Variants in POLH observed in about 807,000 individuals in gnomAD.
POLH encodes the protein DNA polymerase eta transcript.
A neutral mutation model predicts 73.6 loss-of-function variants in POLH; 53 were observed. The ratio of observed to expected loss-of-function variants is 0.72; its 90% CI spans 0.58 to 0.91. POLH has a LOEUF of 0.91. Ranked by LOEUF, POLH falls within the 40% of genes least tolerant of loss-of-function variation. The pLI, the probability that POLH is intolerant of heterozygous loss-of-function variation, is 0.00. For missense variants in POLH, 768 were observed against 865.4 expected, an observed-to-expected ratio of 0.89 and a Z score of 1.41; for synonymous variants, 292 against 308.5, an observed-to-expected ratio of 0.95 and a Z score of 0.56.
At chr6:43,611,002 G>A (rs1279112098) in intron 10 of POLH, among the ~76,000 whole-genome samples, 2 of 152,138 alleles carry the variant, frequency 1.3e-5, no homozygotes, top group African/African-American at 4.8e-5. Flanking sequence ...CAAGGTGGGT[G>A]AATCACCTGA....
chr6:43,598,989 T>TC, intron 5 of POLH, among the ~76,000 whole-genome samples: 1 of 146,320 alleles, frequency 6.8e-6, no homozygotes, highest in Non-Finnish European at 1.5e-5. Context: ...TGAATTTTTT[T>TC]TTTTTTTTTT....
intron 4 of POLH, among the ~76,000 whole-genome samples, chr6:43,588,978 C>CG (rs1226219728): frequency 1.3e-5 from 2 of 152,038 alleles, no homozygotes; most frequent in East Asian, 3.9e-4. Context: ...GCTGGGATTA[C>CG]GGGCGCCCGC....
rs9333520 is a variant in POLH at position 43,587,004 on chromosome 6, C to T, written c.273-268C>T. Among the ~76,000 whole-genome samples, 76 of 152,162 alleles carry T rather than the reference C, an allele frequency of 5.0e-4. No individual in the cohort carries two copies. The East Asian group carries it at 0.012, about 24-fold the overall frequency. On this transcript the variant is annotated intron_variant, in intron 3 of 10. Transcript: ENST00000372236. The stretch of plus-strand genomic sequence containing the variant: ...TTTAGAGAGTTCCTTGTCATATAGA[C>T]GTGTTCATAGTCTGAATGCTTTCTG...
At chr6:43,595,424 C>T (rs866694952) in intron 4 of POLH, among the ~76,000 whole-genome samples, 1 of 151,870 alleles carries the variant, frequency 6.6e-6, no homozygotes, top group South Asian at 2.1e-4. Flanking sequence ...CGTGAACCAC[C>T]GCACATGGCC....
chr6:43,590,559 GTC>G (rs1765347865), intron 4 of POLH, among the ~76,000 whole-genome samples: 1 of 151,550 alleles, frequency 6.6e-6, no homozygotes, highest in South Asian at 2.1e-4. Flanking sequence ...CCAGAATGAG[GTC>G]TTTTTTTTAA....
intron 9 of POLH, among the ~76,000 whole-genome samples, chr6:43,608,920 C>CT (rs1281947567): frequency 6.6e-6 from 1 of 152,178 alleles, no homozygotes; most frequent in Non-Finnish European, 1.5e-5. Context: ...GACCCCATCT[C>CT]TTATCTTCCC....
chr6:43,597,329 G>C (rs940727155), intron 4 of POLH, among the ~76,000 whole-genome samples: 28 of 152,138 alleles, frequency 1.8e-4, no homozygotes, highest in African/African-American at 6.5e-4. Context: ...TGGACAGGCT[G>C]GTCTTGAACT....
chr6:43,577,604 GTA>G (rs1425548213), intron 1 of POLH, among the ~76,000 whole-genome samples: 1 of 151,476 alleles, frequency 6.6e-6, no homozygotes, highest in Admixed American at 6.6e-5. Flanking sequence ...CTTTGCAGTT[GTA>G]AGACGTTTTT....
Position 43,598,635 on chromosome 6 carries a change from A to AAAAAAAAAAAAAGAAAAAG in POLH, c.660+775_660+793dup, listed in dbSNP as rs1480758044. Among the ~76,000 whole-genome samples the AAAAAAAAAAAAAGAAAAAG allele has an allele frequency of 2.8e-4, 41 of 145,370 alleles. 1 individual carries two copies. The South Asian group carries it at 4.6e-3, about 16-fold the overall frequency. ...GGCGACAGAGCAAAGACTCCGTCTC[A>AAAAAAAAAAAAAGAAAAAG]AAAAAAAAAAAAGAAAAAGAAAAGA... On this transcript the variant is annotated intron_variant, in intron 5 of 10. Transcript: ENST00000372236.
chr6:43,611,783 C>T (rs923669944), intron 10 of POLH, among the ~76,000 whole-genome samples: 1 of 152,018 alleles, frequency 6.6e-6, no homozygotes, highest in African/African-American at 2.4e-5. Flanking sequence ...GGGCCGGGCG[C>T]GGTGGCTCAC....
In POLH at chr6:43,615,640, T is replaced by C. The variant is rs1386439304; in HGVS notation, c.*1083T>C. On this transcript the variant is annotated 3_prime_UTR_variant, in exon 11 of 11. Transcript: ENST00000372236. Reference sequence around the variant, plus strand: ...AAAGGGTTTTAAATGTAATGAGACTTGCATAGTTAAAAAAAAAAAAGGGAT... The same window carrying C: ...AAAGGGTTTTAAATGTAATGAGACTCGCATAGTTAAAAAAAAAAAAGGGAT... 1 of 151,936 alleles carries C rather than the reference T, an allele frequency of 6.6e-6. No individual in the cohort carries two copies. The highest frequency in any genetic ancestry group is 1.5e-5 in the Non-Finnish European group (1 of 67,986). 9.4% of individuals were successfully genotyped at this position (151,936 alleles called of 1,614,324 possible).
intron 9 of POLH, among the ~76,000 whole-genome samples, chr6:43,608,563 C>T (rs1177451485): frequency 4.6e-5 from 7 of 152,138 alleles, no homozygotes; most frequent in African/African-American, 1.4e-4. Context: ...GGCTGTCATC[C>T]GTGCTGGAGC....
chr6:43,593,904 GA>G (rs1228517692), intron 4 of POLH, among the ~76,000 whole-genome samples: 2 of 142,588 alleles, frequency 1.4e-5, no homozygotes, highest in Non-Finnish European at 3.1e-5. Flanking sequence ...AAAAAAGAAA[GA>G]AAGAAAAGTT....
At chr6:43,591,148 T>C (rs1428822373) in intron 4 of POLH, 1 of 152,092 alleles carries the variant, frequency 6.6e-6, no homozygotes, top group African/African-American at 2.4e-5. Context: ...CAAAATATAA[T>C]GGACAATAAA....
Position 43,587,257 on chromosome 6 carries a change from C to T in POLH, c.273-15C>T. ...TCTGTTTATTGCCTGCATGAATGATCCTTATACTTCTTAGGTACCGGGAAG... is the reference window on the plus strand; with the variant it reads ...TCTGTTTATTGCCTGCATGAATGATTCTTATACTTCTTAGGTACCGGGAAG... On this transcript the variant is annotated splice_polypyrimidine_tract_variant and intron_variant, in intron 3 of 10. Transcript: ENST00000372236. 1 of 1,601,246 alleles carries T rather than the reference C, an allele frequency of 6.2e-7. No homozygotes were observed. The highest frequency in any genetic ancestry group is 8.6e-7 in the Non-Finnish European group (1 of 1,168,302).
At position 43,616,005 on chromosome 6, in the gene POLH, T is replaced by C. The variant is rs1222659655; in HGVS notation, c.*1448T>C. On this transcript the variant is annotated 3_prime_UTR_variant, in exon 11 of 11. Coordinates refer to ENST00000372236, the MANE Select transcript of POLH (RefSeq NM_006502.3). ...AAAAGGATTTTAAGAAAAACTTCTC[T>C]TGGCCGGGCGCAGTGGCTCACGCCT... Among the ~76,000 whole-genome samples the C allele has an allele frequency of 6.6e-6, 1 of 152,104 alleles. No individual in the cohort carries two copies. The highest frequency in any genetic ancestry group is 6.5e-5 in the Admixed American group (1 of 15,298).
At chr6:43,582,581 G>T (rs1288465710) in intron 2 of POLH, 125 bp downstream of exon 2, 10 of 946,316 alleles carry the variant, frequency 1.1e-5, no homozygotes, top group Non-Finnish European at 1.2e-5. Flanking sequence ...CATCCAGAGC[G>T]CAGTGGCACC....
In POLH at chr6:43,603,371, T is replaced by A. The variant is rs527237967; in HGVS notation, c.765-521T>A. 9.2e-5 allele frequency among the ~76,000 whole-genome samples: 14 copies of A among 152,248 alleles called. No individual in the cohort carries two copies. In the East Asian group the frequency reaches 2.5e-3, roughly 27 times the overall value. On this transcript the variant is annotated intron_variant, in intron 6 of 10. Coordinates refer to ENST00000372236, the MANE Select transcript of POLH (RefSeq NM_006502.3). ...TTCTCAAACTCCTGGGCTCAGGTGATCCACTCGCTTCTGCCTCCCAAGTGC... is the reference window on the plus strand; with the variant it reads ...TTCTCAAACTCCTGGGCTCAGGTGAACCACTCGCTTCTGCCTCCCAAGTGC...
intron 1 of POLH, among the ~76,000 whole-genome samples, chr6:43,580,435 A>T (rs1763924113): frequency 1.3e-5 from 2 of 149,940 alleles, no homozygotes; most frequent in African/African-American, 4.9e-5. Context: ...CACACCTCCC[A>T]GACGGGGTGG....
Sources: gnomAD v4.1 joint callset for allele counts (sites outside exome capture counted in the v4.1 genomes callset) on GRCh38, gnomAD v4.1.1 for gene constraint, MANE v1.5 for transcripts, NCBI Gene and HGNC (gene_info 2026-07-23, HGNC 2026-07-21) for gene names.